PABPC4L: variants seen among roughly 807,000 people sequenced by gnomAD.
PABPC4L encodes poly(A) binding protein cytoplasmic 4 like, also known as polyadenylate-binding protein 4-like.
For missense variants in PABPC4L, 452 were observed against 451.4 expected (o/e 1.00, Z -0.01); for synonymous variants, 169 against 164.1 (o/e 1.03, Z -0.23).
At position 134,197,398 on chromosome 4, in the gene PABPC4L, G is replaced by A. The variant is rs1464273552; in HGVS notation, c.*2509C>T. 2.0e-5 allele frequency: 3 copies of A among 151,572 alleles called. No individual in the cohort carries two copies. Among genetic ancestry groups the A allele is most frequent in the Non-Finnish European group, 4.4e-5 (3 of 67,648 alleles). 9.4% of individuals were successfully genotyped at this position (151,572 alleles called of 1,614,324 possible). A position where few individuals can be genotyped will look rare whatever the true frequency, so the allele number is the denominator to read the frequency against. ...TAAACACAATACAGATAAATTGTGT[G>A]GGTGTATATATATTTGTGTGAATAT... On this transcript the variant is annotated 3_prime_UTR_variant, in exon 2 of 2. Coordinates refer to ENST00000421491, the MANE Select transcript of PABPC4L (RefSeq NM_001114734.2).
the PABPC4L span, among the ~76,000 whole-genome samples, chr4:134,021,231 G>A: frequency 6.6e-6 from 1 of 152,090 alleles, no homozygotes; most frequent in African/African-American, 2.4e-5. Context: ...AGAAGAATAG[G>A]AAGCTGGGTA....
chr4:134,121,216 T>A, the PABPC4L span, among the ~76,000 whole-genome samples: 1 of 151,268 alleles, frequency 6.6e-6, no homozygotes, highest in Admixed American at 6.6e-5. Context: ...CTTTAAAAAA[T>A]ATATAAATTA....
the PABPC4L span, among the ~76,000 whole-genome samples, chr4:134,077,111 A>G: frequency 6.6e-6 from 1 of 152,118 alleles, no homozygotes. Flanking sequence ...TTGTGCTTAA[A>G]TTGTATGTTT....
chr4:134,135,881 C>T, the PABPC4L span, among the ~76,000 whole-genome samples: 3 of 151,862 alleles, frequency 2.0e-5, no homozygotes, highest in South Asian at 2.1e-4. Context: ...AAGTACAATA[C>T]CCATTTCCCT....
the PABPC4L span, among the ~76,000 whole-genome samples, chr4:134,086,449 AG>A: frequency 5.3e-5 from 8 of 152,258 alleles, no homozygotes; most frequent in African/African-American, 1.4e-4. Context: ...TCTGGACCAC[AG>A]GGATGGTCTG....
the PABPC4L span, among the ~76,000 whole-genome samples, chr4:134,166,309 T>C: frequency 2.0e-5 from 3 of 152,298 alleles, no homozygotes; most frequent in Non-Finnish European, 2.9e-5. Flanking sequence ...TATATGTAGA[T>C]AGATGATAGA....
chr4:133,986,648 GA>G, the PABPC4L span, among the ~76,000 whole-genome samples: 1 of 150,954 alleles, frequency 6.6e-6, no homozygotes, highest in African/African-American at 2.4e-5. Context: ...GAAAAAAAGA[GA>G]AAATCAAAAA....
At chr4:133,952,326 C>G in the PABPC4L span, among the ~76,000 whole-genome samples, 1 of 152,068 alleles carries the variant, frequency 6.6e-6, no homozygotes, top group African/African-American at 2.4e-5. Flanking sequence ...AGGGGACGCC[C>G]AGAATGCATC....
the PABPC4L span, among the ~76,000 whole-genome samples, chr4:134,001,825 A>G: frequency 1.3e-5 from 2 of 152,110 alleles, no homozygotes; most frequent in African/African-American, 2.4e-5. Flanking sequence ...ATAGTAACCA[A>G]TGTGTGTTCA....
chr4:133,959,159 T>A, the PABPC4L span, among the ~76,000 whole-genome samples: 6 of 131,192 alleles, frequency 4.6e-5, no homozygotes, highest in Admixed American at 4.6e-4. Flanking sequence ...TTCAGCAAAA[T>A]TTCTTTAAGT....
At position 134,200,534 on chromosome 4, in the gene PABPC4L, G is replaced by C. The variant is rs1296866607; in HGVS notation, c.486C>G (p.Leu162=). 1.9e-6 allele frequency: 3 copies of C among 1,551,480 alleles called. No homozygotes were observed. Among genetic ancestry groups the C allele is most frequent in the African/African-American group, 2.7e-5 (2 of 73,026 alleles). Residue 162 remains leucine, a synonymous_variant, in exon 2 of 2, where the codon CTC becomes CTG. Coordinates refer to ENST00000421491, the MANE Select transcript of PABPC4L (RefSeq NM_001114734.2). ...TGCCAACAAACACCTTGCAGCCCTT[G>C]AGTAGTTTTCCATTCATCTCCTCAA... ...RAIEEMNGKL[L]KGCKVFVGRF...
the PABPC4L span, among the ~76,000 whole-genome samples, chr4:134,149,833 A>G: frequency 6.6e-6 from 1 of 152,158 alleles, no homozygotes; most frequent in Non-Finnish European, 1.5e-5. Context: ...GATCCAATGT[A>G]ATCAATATAT....
the PABPC4L span, among the ~76,000 whole-genome samples, chr4:134,137,414 C>T: frequency 0.45 from 68,700 of 151,540 alleles, 18,061 homozygotes; most frequent in East Asian, 0.98. Flanking sequence ...GAATATTCTC[C>T]TTTTTAAAAT....
At chr4:133,970,463 T>A in the PABPC4L span, among the ~76,000 whole-genome samples, 2 of 152,162 alleles carry the variant, frequency 1.3e-5, no homozygotes, top group African/African-American at 4.8e-5. Flanking sequence ...GAGCTATGAT[T>A]GCATCAAACT....
rs1729829746 is a variant in PABPC4L, at chr4:134,200,604, T to A, written c.416A>T (p.Tyr139Phe). The change falls in exon 2 of 2, where the codon TAT becomes TTT. Residue 139 changes from tyrosine (Y) to phenylalanine (F), a missense_variant. Transcript: ENST00000421491. ...VMSDDQGSKG[Y>F]AFVHFQNQSA... is the part of the protein sequence containing the mutation. ...CTGGTTCTGAAAGTGCACAAATGCATAGCCCTTGGAGCCTTGATCATCACT... is the reference window on the plus strand; with the variant it reads ...CTGGTTCTGAAAGTGCACAAATGCAAAGCCCTTGGAGCCTTGATCATCACT... The A allele has an allele frequency of 6.4e-7, 1 of 1,551,684 alleles. No homozygotes were observed. Among genetic ancestry groups the A allele is most frequent in the Non-Finnish European group, 8.7e-7 (1 of 1,146,974 alleles).
the PABPC4L span, among the ~76,000 whole-genome samples, chr4:134,184,446 C>A: frequency 6.6e-6 from 1 of 151,972 alleles, no homozygotes; most frequent in Non-Finnish European, 1.5e-5. Context: ...ATTTTATTAT[C>A]TCCACACTTT....
the PABPC4L span, among the ~76,000 whole-genome samples, chr4:134,153,074 C>T: frequency 3.3e-5 from 5 of 152,264 alleles, no homozygotes; most frequent in East Asian, 9.6e-4. Context: ...CAAACACTTT[C>T]CATGAGGCTC....
At chr4:134,114,437 G>A in the PABPC4L span, among the ~76,000 whole-genome samples, 1 of 151,802 alleles carries the variant, frequency 6.6e-6, no homozygotes, top group Non-Finnish European at 1.5e-5. Flanking sequence ...CAAAACTTAA[G>A]TGGGGAAGGA....
the PABPC4L span, among the ~76,000 whole-genome samples, chr4:134,050,700 G>A: frequency 6.1e-5 from 3 of 49,564 alleles, no homozygotes; most frequent in Admixed American, 5.0e-4. Context: ...ACAAGACACC[G>A]TCTCCCAAAA....
Sources: gnomAD v4.1 joint callset for allele counts (sites outside exome capture counted in the v4.1 genomes callset) on GRCh38, gnomAD v4.1.1 for gene constraint, MANE v1.5 for transcripts, NCBI Gene and HGNC (gene_info 2026-07-23, HGNC 2026-07-21) for gene names.